Variants in ASIC2 observed in about 807,000 individuals in gnomAD.
ASIC2 encodes acid sensing ion channel subunit 2, also known as acid-sensing ion channel 2.
In ASIC2, 25 loss-of-function variants were observed where a neutral mutation model predicts 57.3. The observed-to-expected ratio is 0.44, with a 90% CI of 0.32 to 0.61. The LOEUF is 0.61. Ranked by LOEUF, ASIC2 falls within the 20% of genes least tolerant of loss-of-function variation. ASIC2 has a pLI of 0.06. For missense variants in ASIC2, 641 were observed against 738.1 expected, an observed-to-expected ratio of 0.87 and a Z score of 1.52; for synonymous variants, 319 against 307.5, an observed-to-expected ratio of 1.04 and a Z score of -0.39.
At chr17:33,545,245 A>G (rs1915542025) in intron 1 of ASIC2, among the ~76,000 whole-genome samples, 2 of 152,154 alleles carry the variant, frequency 1.3e-5, no homozygotes, top group African/African-American at 4.8e-5. Context: ...TGTTGGTTCT[A>G]TATGTTAAGC....
At chr17:33,356,070 T>C (rs1325049146) in intron 1 of ASIC2, among the ~76,000 whole-genome samples, 1 of 151,624 alleles carries the variant, frequency 6.6e-6, no homozygotes, top group African/African-American at 2.4e-5. Flanking sequence ...GCGTGAAGAG[T>C]ATTTAAGTCA....
chr17:33,480,631 G>C (rs1913372705), intron 1 of ASIC2, among the ~76,000 whole-genome samples: 1 of 152,168 alleles, frequency 6.6e-6, no homozygotes, highest in African/African-American at 2.4e-5. Context: ...AGGGGAAGGG[G>C]GGACCATTGA....
chr17:33,015,497 C>T (rs879877674), intron 9 of ASIC2, among the ~76,000 whole-genome samples: 2 of 152,178 alleles, frequency 1.3e-5, no homozygotes, highest in African/African-American at 2.4e-5. Context: ...CTGACACGTA[C>T]CAGGCATACA....
intron 1 of ASIC2, among the ~76,000 whole-genome samples, chr17:34,081,282 A>G (rs957142038): frequency 1.3e-5 from 2 of 152,182 alleles, no homozygotes; most frequent in African/African-American, 4.8e-5. Context: ...ACACCCAGAC[A>G]TTATAGTGGT....
chr17:33,698,243 T>C (rs1908589800), intron 1 of ASIC2, among the ~76,000 whole-genome samples: 1 of 152,168 alleles, frequency 6.6e-6, no homozygotes, highest in African/African-American at 2.4e-5. Context: ...GTGGATACAA[T>C]TGCCAATCTT....
intron 1 of ASIC2, among the ~76,000 whole-genome samples, chr17:33,174,517 A>G (rs1436783010): frequency 6.6e-6 from 1 of 152,076 alleles, no homozygotes; most frequent in African/African-American, 2.4e-5. Flanking sequence ...TACATGCTAG[A>G]GATACCAATT....
At chr17:33,789,811 T>C (rs1251984094) in intron 1 of ASIC2, among the ~76,000 whole-genome samples, 1 of 152,204 alleles carries the variant, frequency 6.6e-6, no homozygotes, top group East Asian at 1.9e-4. Context: ...AAATGATTGC[T>C]GACTATTCTG....
intron 1 of ASIC2, among the ~76,000 whole-genome samples, chr17:33,158,937 A>G (rs1476439201): frequency 1.3e-5 from 2 of 152,202 alleles, no homozygotes; most frequent in Non-Finnish European, 2.9e-5. Flanking sequence ...GAAGACTTTA[A>G]TTTGGCATTC....
At chr17:33,953,419 TACCCTTTATTAGAC>T (rs1777133499) in intron 1 of ASIC2, among the ~76,000 whole-genome samples, 1 of 152,236 alleles carries the variant, frequency 6.6e-6, no homozygotes, top group African/African-American at 2.4e-5. Flanking sequence ...TAATAATCAG[TACCCTTTATTAGAC>T]ACTGTGATCG....
chr17:33,855,964 C>G (rs748711494), intron 1 of ASIC2, among the ~76,000 whole-genome samples: 2 of 151,992 alleles, frequency 1.3e-5, no homozygotes, highest in Non-Finnish European at 2.9e-5. Context: ...AAGGTCCTTA[C>G]TCCTGAGAAG....
At chr17:33,749,093 G>A (rs984772611) in intron 1 of ASIC2, among the ~76,000 whole-genome samples, 2 of 152,138 alleles carry the variant, frequency 1.3e-5, no homozygotes, top group Non-Finnish European at 2.9e-5. Flanking sequence ...GGGCAGGGGA[G>A]CAGGAAGGTG....
intron 1 of ASIC2, among the ~76,000 whole-genome samples, chr17:33,999,117 T>A (rs1906253682): frequency 6.6e-6 from 1 of 152,194 alleles, no homozygotes; most frequent in South Asian, 2.1e-4. Flanking sequence ...TGTAATGACC[T>A]TCTTCATCTC....
chr17:34,029,394 A>G (rs1292200107), intron 1 of ASIC2, among the ~76,000 whole-genome samples: 3 of 148,146 alleles, frequency 2.0e-5, no homozygotes, highest in Non-Finnish European at 4.5e-5. Context: ...AAAAAAAAAA[A>G]TAGTAAAATT....
intron 1 of ASIC2, among the ~76,000 whole-genome samples, chr17:33,259,106 G>A (rs1327359623): frequency 6.6e-6 from 1 of 152,178 alleles, no homozygotes; most frequent in Non-Finnish European, 1.5e-5. Context: ...GTAATGGTGA[G>A]GGCTCAGGGT....
At chr17:33,174,479 C>T (rs1290562695) in intron 1 of ASIC2, among the ~76,000 whole-genome samples, 1 of 151,798 alleles carries the variant, frequency 6.6e-6, no homozygotes, top group Admixed American at 6.6e-5. Flanking sequence ...AAAAATTCAC[C>T]ATCACTTACT....
At chr17:33,884,894 A>G (rs1914791728) in intron 1 of ASIC2, among the ~76,000 whole-genome samples, 1 of 152,214 alleles carries the variant, frequency 6.6e-6, no homozygotes, top group African/African-American at 2.4e-5. Context: ...TTGAATGAAG[A>G]AAGCATTATC....
chr17:33,325,340 A>G (rs1819480593), intron 1 of ASIC2, among the ~76,000 whole-genome samples: 1 of 152,200 alleles, frequency 6.6e-6, no homozygotes, highest in Non-Finnish European at 1.5e-5. Flanking sequence ...TGCAGAGGAG[A>G]CAACTTTAAA....
At chr17:33,353,845 A>G (rs1285541925) in intron 1 of ASIC2, among the ~76,000 whole-genome samples, 1 of 152,184 alleles carries the variant, frequency 6.6e-6, no homozygotes, top group African/African-American at 2.4e-5. Flanking sequence ...GACCAAGCAC[A>G]GGGTCTCCAT....
chr17:33,175,688 G>T (rs1905725969), intron 1 of ASIC2, among the ~76,000 whole-genome samples: 2 of 152,038 alleles, frequency 1.3e-5, no homozygotes, highest in African/African-American at 4.8e-5. Flanking sequence ...AAGTCCAGCG[G>T]CTGCTGCCTC....
Sources: gnomAD v4.1 joint callset for allele counts (sites outside exome capture counted in the v4.1 genomes callset) on GRCh38, gnomAD v4.1.1 for gene constraint, MANE v1.5 for transcripts, NCBI Gene and HGNC (gene_info 2026-07-23, HGNC 2026-07-21) for gene names.